The following KIFAP3 variants were observed in gnomAD, a reference collection of about 807,000 sequenced individuals.
KIFAP3 encodes the protein kinesin-associated protein 3.
A neutral mutation model predicts 106.5 loss-of-function variants in KIFAP3; 68 were observed. That is an observed-to-expected ratio of 0.64 (90% CI 0.53 to 0.78). The LOEUF (loss-of-function observed/expected upper bound fraction) is 0.78. Ranked by LOEUF, KIFAP3 falls within the 30% of genes least tolerant of loss-of-function variation. KIFAP3 has a pLI of 0.00. For missense variants in KIFAP3, 780 were observed against 941.8 expected (o/e 0.83, Z 2.25); for synonymous variants, 320 against 311.5 (o/e 1.03, Z -0.29).
intron 19 of KIFAP3, 65 bp from the exon 20 acceptor site, chr1:169,921,846 A>G (rs1364598676): frequency 3.4e-6 from 4 of 1,176,084 alleles, no homozygotes; most frequent in African/African-American, 1.5e-5. Context: ...GCAGATTAAG[A>G]GGCCTACATT....
In KIFAP3 at chr1:169,992,153, AC is replaced by A; in HGVS notation, c.1284+1del. On this transcript the variant is annotated splice_donor_variant, in intron 11 of 19. Coordinates refer to ENST00000361580, the MANE Select transcript of KIFAP3 (RefSeq NM_014970.4). LOFTEE classifies it high-confidence loss of function. ...TTTTCATAAAACACTTAAACCACTTACCTGTGGTATACAGTCAGTGTATGCA... is the reference window on the plus strand; with the variant it reads ...TTTTCATAAAACACTTAAACCACTTACTGTGGTATACAGTCAGTGTATGCA... 1 of 1,426,452 alleles carries A rather than the reference AC, an allele frequency of 7.0e-7. No individual in the cohort carries two copies. Among genetic ancestry groups the A allele is most frequent in the Non-Finnish European group, 9.4e-7 (1 of 1,063,168 alleles). The allele number at this position is 1,426,452 out of a possible 1,614,324, so 88.4% of individuals were successfully genotyped here.
chr1:170,052,576 C>A (rs886951703), intron 2 of KIFAP3, among the ~76,000 whole-genome samples: 2 of 152,106 alleles, frequency 1.3e-5, no homozygotes, highest in Non-Finnish European at 2.9e-5. Context: ...TGATGAACAT[C>A]AATGTGAAAA....
intron 19 of KIFAP3, among the ~76,000 whole-genome samples, chr1:169,951,745 TA>T (rs1558190048): frequency 6.6e-6 from 1 of 151,860 alleles, no homozygotes; most frequent in South Asian, 2.1e-4. Flanking sequence ...TAATTAAATT[TA>T]AAAAAAGCAA....
At chr1:170,030,142 C>T (rs1182781606) in intron 8 of KIFAP3, among the ~76,000 whole-genome samples, 1 of 151,834 alleles carries the variant, frequency 6.6e-6, no homozygotes, top group Non-Finnish European at 1.5e-5. Context: ...ATGTAAAATT[C>T]TGCTCTTAAA....
intron 3 of KIFAP3, among the ~76,000 whole-genome samples, chr1:170,046,362 G>C (rs1056936407): frequency 6.6e-6 from 1 of 151,998 alleles, no homozygotes; most frequent in African/African-American, 2.4e-5. Flanking sequence ...TAAAACATCA[G>C]TCTAGTTGGG....
At chr1:170,051,159 G>GAAA (rs796560973) in intron 2 of KIFAP3, among the ~76,000 whole-genome samples, 1 of 113,938 alleles carries the variant, frequency 8.8e-6, no homozygotes, top group African/African-American at 3.2e-5. Context: ...CAAGCAAATG[G>GAAA]AAAAAAAAAA....
intron 1 of KIFAP3, among the ~76,000 whole-genome samples, chr1:170,062,673 C>A (rs1671243826): frequency 6.6e-6 from 1 of 152,092 alleles, no homozygotes; most frequent in Non-Finnish European, 1.5e-5. Context: ...GCAGGTTTTG[C>A]TGTGTCTTTT....
chr1:170,015,916 T>C (rs1668485643), intron 10 of KIFAP3, among the ~76,000 whole-genome samples: 1 of 152,174 alleles, frequency 6.6e-6, no homozygotes, highest in African/African-American at 2.4e-5. Context: ...ATACAGTACT[T>C]TCTAAGTCAT....
Position 169,982,865 on chromosome 1 carries a change from A to C in KIFAP3, c.1509T>G (p.Asp503Glu). ...TCTGGGCTGCAAGGTCCCCAACATA[A>C]TCCTGAATAAAACATAATTTTAATA... ...HDGPTKNLFI[D>E]YVGDLAAQIS... Residue 503 changes from aspartate (D) to glutamate (E), a missense_variant and splice_region_variant, in exon 14 of 20, where the codon GAT (aspartate) becomes GAG (glutamate). By Grantham distance (45) the Asp-to-Glu change is conservative. Around this residue, in one of 3 missense-constraint regions of KIFAP3, gnomAD observed 588 missense variants for 678.9 expected, o/e 0.87. Coordinates refer to ENST00000361580, the MANE Select transcript of KIFAP3 (RefSeq NM_014970.4). The C allele has an allele frequency of 7.1e-7, 1 of 1,416,760 alleles. No homozygotes were observed. Among genetic ancestry groups the C allele is most frequent in the Non-Finnish European group, 9.4e-7 (1 of 1,068,704 alleles). The allele number at this position is 1,416,760 out of a possible 1,614,324, so 87.8% of individuals were successfully genotyped here. A position where few individuals can be genotyped will look rare whatever the true frequency, so the allele number is the denominator to read the frequency against.
intron 11 of KIFAP3, chr1:169,990,104 T>C (rs968207574): frequency 6.0e-5 from 87 of 1,456,412 alleles, no homozygotes; most frequent in Non-Finnish European, 7.9e-5. Context: ...CCAAGGAAAA[T>C]AGAGCGATTT....
chr1:169,941,455 TA>T (rs1389592318), intron 19 of KIFAP3, among the ~76,000 whole-genome samples: 1 of 152,224 alleles, frequency 6.6e-6, no homozygotes, highest in Non-Finnish European at 1.5e-5. Context: ...GGTAGTTGTC[TA>T]AATCAATAAA....
At chr1:169,953,325 C>T (rs1311984059) in intron 19 of KIFAP3, among the ~76,000 whole-genome samples, 1 of 151,856 alleles carries the variant, frequency 6.6e-6, no homozygotes, top group Non-Finnish European at 1.5e-5. Flanking sequence ...AATAAAAGCA[C>T]CAACTTTTTA....
At chr1:169,927,229 T>G (rs1400572573) in intron 19 of KIFAP3, among the ~76,000 whole-genome samples, 1 of 152,088 alleles carries the variant, frequency 6.6e-6, no homozygotes, top group East Asian at 1.9e-4. Context: ...TTAAGTATAG[T>G]TTTTGAAGCC....
intron 10 of KIFAP3, among the ~76,000 whole-genome samples, chr1:169,995,240 G>A (rs1215859298): frequency 6.6e-6 from 1 of 152,060 alleles, no homozygotes; most frequent in South Asian, 2.1e-4. Context: ...CTCGTGATAC[G>A]TAGGTTAAAC....
At chr1:169,923,131 G>A (rs1343556933) in intron 19 of KIFAP3, 1 of 982,538 alleles carries the variant, frequency 1.0e-6, no homozygotes, top group Non-Finnish European at 1.2e-6. Context: ...GTTAGCATTT[G>A]TACTGAGCGA....
chr1:169,979,727 CAA>C (rs993639353), intron 15 of KIFAP3, among the ~76,000 whole-genome samples: 5 of 152,030 alleles, frequency 3.3e-5, no homozygotes, highest in South Asian at 4.1e-4. Flanking sequence ...TTACTAAGGC[CAA>C]ACACATACAA....
intron 19 of KIFAP3, among the ~76,000 whole-genome samples, chr1:169,946,964 T>C (rs1664474023): frequency 1.3e-5 from 2 of 151,996 alleles, no homozygotes; most frequent in Admixed American, 1.3e-4. Flanking sequence ...TAGAACTATG[T>C]TATGACATAG....
chr1:169,944,260 G>C (rs1019451943), intron 19 of KIFAP3, among the ~76,000 whole-genome samples: 3 of 152,222 alleles, frequency 2.0e-5, no homozygotes, highest in African/African-American at 7.2e-5. Context: ...TACTATGGCA[G>C]GGTGGTTAGC....
intron 9 of KIFAP3, among the ~76,000 whole-genome samples, chr1:170,017,216 T>C (rs114192219): frequency 0.068 from 9,189 of 135,764 alleles, 368 homozygotes; most frequent in Middle Eastern, 0.1. Context: ...GAGATCATGC[T>C]ACTGCATTCC....
Sources: gnomAD v4.1 joint callset for allele counts (sites outside exome capture counted in the v4.1 genomes callset) on GRCh38, gnomAD v4.1.1 for gene constraint, gnomAD v4.1.1 regional missense constraint, MANE v1.5 for transcripts, NCBI Gene and HGNC (gene_info 2026-07-23, HGNC 2026-07-21) for gene names.